ATG10: variants seen among roughly 807,000 people sequenced by gnomAD.
The protein encoded by ATG10 is ubiquitin-like-conjugating enzyme ATG10.
Under a neutral mutation model 32.1 loss-of-function variants are expected in ATG10, and 30 were observed. The observed-to-expected ratio is 0.94, with a 90% confidence interval of 0.70 to 1.27. The LOEUF is 1.27. Ranked by LOEUF, ATG10 falls within the 50% of genes most tolerant of loss-of-function variation. The pLI, the probability that ATG10 is intolerant of heterozygous loss-of-function variation, is 0.00. For synonymous variants in ATG10, 87 were observed against 91.5 expected, an observed-to-expected ratio of 0.95 and a Z score of 0.28; for missense variants, 233 against 262.3, an observed-to-expected ratio of 0.89 and a Z score of 0.77.
At chr5:82,199,428 G>A (rs1171945208) in intron 5 of ATG10, among the ~76,000 whole-genome samples, 2 of 152,032 alleles carry the variant, frequency 1.3e-5, no homozygotes, top group East Asian at 1.9e-4. Context: ...CTAGACTTGC[G>A]AGTCTTTAAG....
At chr5:82,242,922 A>C in intron 5 of ATG10, 3 of 428,496 alleles carry the variant, frequency 7.0e-6, no homozygotes, top group South Asian at 5.2e-5. Flanking sequence ...AAATTTTAAC[A>C]AACATTGAGC....
chr5:82,170,609 A>G (rs922975434), intron 4 of ATG10, among the ~76,000 whole-genome samples: 3 of 152,158 alleles, frequency 2.0e-5, no homozygotes, highest in Non-Finnish European at 4.4e-5. Context: ...ATTAATCTCA[A>G]GAGTTTGGGA....
Position 82,103,304 on chromosome 5 carries a change from A to G in ATG10, c.216+44702A>G, listed in dbSNP as rs1765339312. Among the ~76,000 whole-genome samples, 3 of 152,300 alleles carry G rather than the reference A, an allele frequency of 2.0e-5. No individual in the cohort carries two copies. In the East Asian group the frequency reaches 5.8e-4, roughly 29 times the overall value. ...GCTTTTATGACAGTATCTGATACAC[A>G]TTGATCAAAAATTGTTGATTTCTTT... On this transcript the variant is annotated intron_variant, in intron 3 of 7. Transcript: ENST00000282185.
At chr5:82,189,093 G>T (rs1185624221) in intron 5 of ATG10, among the ~76,000 whole-genome samples, 1 of 152,156 alleles carries the variant, frequency 6.6e-6, no homozygotes, top group African/African-American at 2.4e-5. Flanking sequence ...TATTAATGCA[G>T]TGTTACTTCC....
At chr5:82,055,311 A>G (rs758070360) in intron 2 of ATG10, among the ~76,000 whole-genome samples, 3 of 152,204 alleles carry the variant, frequency 2.0e-5, no homozygotes, top group Non-Finnish European at 4.4e-5. Flanking sequence ...TAATAAAAAA[A>G]TGGTATTAGA....
At chr5:82,090,613 G>T (rs1764849713) in intron 3 of ATG10, among the ~76,000 whole-genome samples, 1 of 152,156 alleles carries the variant, frequency 6.6e-6, no homozygotes. Flanking sequence ...GGGATAGGAG[G>T]GTGGTGGGTG....
chr5:82,252,644 C>T lies in ATG10; in HGVS notation c.536C>T (p.Ser179Phe). The change falls in exon 6 of 8, where the codon TCT becomes TTT. Residue 179 changes from serine to phenylalanine, a missense_variant. By Grantham distance (155) the Ser-to-Phe change is radical. Transcript: ENST00000282185. ...NEFMTPVLKN[S>F]QKINKNVNYI... is the part of the protein sequence containing the mutation. ...TTCATGACTCCTGTATTAAAGAATTCTCAGAAAATCAATAAGTAAGAAACA... is the reference window on the plus strand; with the variant it reads ...TTCATGACTCCTGTATTAAAGAATTTTCAGAAAATCAATAAGTAAGAAACA... 1 of 1,583,486 alleles carries T rather than the reference C, an allele frequency of 6.3e-7. No homozygotes were observed.
chr5:82,181,220 G>A (rs1744221288), intron 5 of ATG10, among the ~76,000 whole-genome samples: 1 of 152,082 alleles, frequency 6.6e-6, no homozygotes, highest in South Asian at 2.1e-4. Context: ...AACTTAGGTG[G>A]TCCTTTGGAA....
At chr5:82,206,646 T>C (rs1056840525) in intron 5 of ATG10, among the ~76,000 whole-genome samples, 1 of 144,642 alleles carries the variant, frequency 6.9e-6, no homozygotes, top group Admixed American at 6.9e-5. Flanking sequence ...CGAGACTCCA[T>C]CTCAAAAAAA....
At chr5:82,062,337 C>G (rs746764077) in intron 3 of ATG10, among the ~76,000 whole-genome samples, 9 of 151,954 alleles carry the variant, frequency 5.9e-5, no homozygotes, top group Non-Finnish European at 1.0e-4. Context: ...TATTTGGCAA[C>G]TCATAGTAAA....
intron 3 of ATG10, among the ~76,000 whole-genome samples, chr5:82,153,795 A>G (rs1009922509): frequency 2.0e-5 from 3 of 151,940 alleles, no homozygotes; most frequent in African/African-American, 7.3e-5. Context: ...TTGTGTGATT[A>G]TTTTTTAATG....
intron 3 of ATG10, among the ~76,000 whole-genome samples, chr5:82,105,028 A>G (rs1765402154): frequency 6.6e-6 from 1 of 152,170 alleles, no homozygotes; most frequent in African/African-American, 2.4e-5. Context: ...ACACCTAACA[A>G]TGTCAGTGTT....
At chr5:82,043,079 G>C (rs962948808) in intron 2 of ATG10, among the ~76,000 whole-genome samples, 4 of 152,188 alleles carry the variant, frequency 2.6e-5, no homozygotes, top group African/African-American at 4.8e-5. Context: ...CTCCATGAGG[G>C]CTCCACCCCT....
intron 3 of ATG10, among the ~76,000 whole-genome samples, chr5:82,144,234 C>G (rs1051350363): frequency 1.3e-5 from 2 of 151,684 alleles, no homozygotes; most frequent in African/African-American, 4.8e-5. Flanking sequence ...ATCAGTTTTG[C>G]TAGAGGTTCA....
chr5:82,139,440 C>T (rs1373699081), intron 3 of ATG10, among the ~76,000 whole-genome samples: 33 of 140,712 alleles, frequency 2.3e-4, no homozygotes, highest in African/African-American at 7.0e-4. Flanking sequence ...AAGTGAGGAG[C>T]GTCTCTGCCC....
intron 3 of ATG10, among the ~76,000 whole-genome samples, chr5:82,088,191 CT>C (rs926098873): frequency 2.4e-4 from 36 of 149,520 alleles, no homozygotes; most frequent in Admixed American, 4.7e-4. Flanking sequence ...TTTAAATAAA[CT>C]TTTTTTTTTC....
intron 2 of ATG10, chr5:82,010,143 T>G (rs929374793): frequency 1.4e-6 from 2 of 1,411,848 alleles, no homozygotes; most frequent in African/African-American, 2.9e-5. Flanking sequence ...AAAGCCGCTT[T>G]CTTATATTTC....
intron 3 of ATG10, among the ~76,000 whole-genome samples, chr5:82,091,270 G>A (rs536499424): frequency 1.4e-4 from 21 of 152,158 alleles, no homozygotes; most frequent in Non-Finnish European, 2.6e-4. Flanking sequence ...GTATCTTTCT[G>A]TGTTGTCCAG....
At chr5:82,077,570 A>T (rs573151063) in intron 3 of ATG10, among the ~76,000 whole-genome samples, 55 of 150,702 alleles carry the variant, frequency 3.6e-4, no homozygotes, top group South Asian at 2.5e-3. Flanking sequence ...CAGATTAAAA[A>T]ATTTTTTTTT....
Sources: allele counts gnomAD v4.1 joint callset (sites outside exome capture counted in the v4.1 genomes callset), GRCh38; gene constraint gnomAD v4.1.1; transcripts MANE v1.5; gene names NCBI Gene and HGNC (gene_info 2026-07-23, HGNC 2026-07-21).